Variants in CCDC178 observed in about 807,000 individuals in gnomAD.
CCDC178 encodes coiled-coil domain containing 178, also known as coiled-coil domain-containing protein 178.
Under a neutral mutation model 117.4 loss-of-function variants are expected in CCDC178, and 126 were observed. That is an observed-to-expected ratio of 1.07 (90% CI 0.93 to 1.24). CCDC178 has a LOEUF of 1.24. Ranked by LOEUF, CCDC178 falls within the 50% of genes most tolerant of loss-of-function variation. The probability of loss-of-function intolerance (pLI) is 0.00; values close to 1 mark genes in which losing one functional copy is unlikely to be tolerated. For missense variants in CCDC178, 1,030 were observed against 986.9 expected (o/e 1.04, Z -0.59); for synonymous variants, 283 against 313.4 (o/e 0.90, Z 1.02).
At chr18:33,349,545 T>C (rs2062943356) in intron 7 of CCDC178, among the ~76,000 whole-genome samples, 4 of 151,898 alleles carry the variant, frequency 2.6e-5, no homozygotes, top group Admixed American at 2.6e-4. Context: ...GTTATTTCCT[T>C]TCTAGCTAAA....
chr18:33,366,832 C>T (rs1217827864), intron 6 of CCDC178, among the ~76,000 whole-genome samples: 3 of 152,034 alleles, frequency 2.0e-5, no homozygotes, highest in East Asian at 1.9e-4. Flanking sequence ...CGTTATCAGA[C>T]GGGCCTGGGA....
intron 21 of CCDC178, among the ~76,000 whole-genome samples, chr18:33,078,494 C>A (rs1272135606): frequency 6.6e-6 from 1 of 152,114 alleles, no homozygotes; most frequent in Admixed American, 6.5e-5. Flanking sequence ...GTCAAACTAT[C>A]CCTGTTTGCA....
intron 22 of CCDC178, among the ~76,000 whole-genome samples, chr18:32,960,659 C>T (rs1379668374): frequency 1.3e-5 from 2 of 152,012 alleles, no homozygotes; most frequent in African/African-American, 4.8e-5. Flanking sequence ...CATCTCTGAC[C>T]TCATTTTGTA....
intron 21 of CCDC178, among the ~76,000 whole-genome samples, chr18:33,038,683 C>T (rs895316315): frequency 3.3e-5 from 5 of 151,866 alleles, no homozygotes; most frequent in Non-Finnish European, 7.4e-5. Context: ...GATTTTTTTG[C>T]AAAGCCTGAG....
intron 20 of CCDC178, among the ~76,000 whole-genome samples, chr18:33,150,305 ACT>A (rs1214791674): frequency 6.6e-6 from 1 of 152,074 alleles, no homozygotes; most frequent in Admixed American, 6.6e-5. Context: ...CACTGAAAAA[ACT>A]CTTCCAGGCA....
intron 20 of CCDC178, among the ~76,000 whole-genome samples, chr18:33,201,797 C>T (rs1312666890): frequency 6.6e-6 from 1 of 152,186 alleles, no homozygotes; most frequent in African/African-American, 2.4e-5. Flanking sequence ...ATTTTCCAGT[C>T]TCCCTCTAGT....
At chr18:33,055,167 T>C (rs190318109) in intron 21 of CCDC178, among the ~76,000 whole-genome samples, 4 of 152,314 alleles carry the variant, frequency 2.6e-5, no homozygotes, top group South Asian at 4.1e-4. Flanking sequence ...CTCTGGATAT[T>C]AGACCTTTGT....
At chr18:33,144,664 T>C (rs1041941468) in intron 20 of CCDC178, among the ~76,000 whole-genome samples, 2 of 152,158 alleles carry the variant, frequency 1.3e-5, no homozygotes, top group Non-Finnish European at 2.9e-5. Flanking sequence ...AAATTTCTAA[T>C]GTTGAAAAGG....
At chr18:33,184,246 G>A (rs980615639) in intron 20 of CCDC178, among the ~76,000 whole-genome samples, 2 of 151,922 alleles carry the variant, frequency 1.3e-5, no homozygotes, top group African/African-American at 2.4e-5. Flanking sequence ...AACATTAGTA[G>A]ATATTTGTTT....
intron 7 of CCDC178, among the ~76,000 whole-genome samples, chr18:33,349,877 T>C (rs2062949133): frequency 6.6e-6 from 1 of 151,888 alleles, no homozygotes. Context: ...GTCACAATTA[T>C]ACATTCTGCT....
At chr18:33,173,995 A>C (rs2058634724) in intron 20 of CCDC178, among the ~76,000 whole-genome samples, 1 of 152,218 alleles carries the variant, frequency 6.6e-6, no homozygotes, top group Non-Finnish European at 1.5e-5. Flanking sequence ...ACTGCTATAA[A>C]GAAATACCTG....
At chr18:33,004,547 G>A (rs891530957) in intron 21 of CCDC178, among the ~76,000 whole-genome samples, 9 of 151,968 alleles carry the variant, frequency 5.9e-5, no homozygotes, top group Non-Finnish European at 1.3e-4. Context: ...AATGCTACAG[G>A]ACACTGGACT....
At chr18:33,337,134 G>A (rs1432083609) in intron 9 of CCDC178, among the ~76,000 whole-genome samples, 1 of 123,902 alleles carries the variant, frequency 8.1e-6, no homozygotes, top group Non-Finnish European at 1.6e-5. Flanking sequence ...ATATTCCTAA[G>A]CTTTTTTTTT....
intron 21 of CCDC178, among the ~76,000 whole-genome samples, chr18:33,065,596 T>C (rs1225955289): frequency 1.3e-5 from 2 of 152,152 alleles, no homozygotes; most frequent in South Asian, 2.1e-4. Flanking sequence ...ACAATTCCAA[T>C]AGATTCAGCC....
At chr18:33,342,615 C>G (rs1307923532) in intron 9 of CCDC178, among the ~76,000 whole-genome samples, 1 of 152,112 alleles carries the variant, frequency 6.6e-6, no homozygotes, top group African/African-American at 2.4e-5. Flanking sequence ...ACATGAAAAC[C>G]ATACTCCTGG....
chr18:33,370,792 T>C lies in CCDC178; in HGVS notation c.209-603A>G, dbSNP rs551661464. 2.7e-4 allele frequency among the ~76,000 whole-genome samples: 41 copies of C among 152,164 alleles called. No individual in the cohort carries two copies. In the South Asian group the frequency reaches 8.5e-3, roughly 31 times the overall value. ...AATGTTCTCACTATAGTATTCAAGC[T>C]GTACTCATCATAAAATCCACTCAGT... On this transcript the variant is annotated intron_variant, in intron 5 of 22. Transcript: ENST00000383096.
intron 18 of CCDC178, among the ~76,000 whole-genome samples, chr18:33,217,783 T>C (rs1416121989): frequency 6.6e-6 from 1 of 152,048 alleles, no homozygotes; most frequent in Non-Finnish European, 1.5e-5. Context: ...ATTCATTGTA[T>C]GCAAACTTGG....
chr18:33,371,535 G>A (rs1473913857), intron 5 of CCDC178, among the ~76,000 whole-genome samples: 1 of 151,864 alleles, frequency 6.6e-6, no homozygotes, highest in Non-Finnish European at 1.5e-5. Flanking sequence ...TGGTTATGGA[G>A]TATAAGCTGT....
intron 21 of CCDC178, among the ~76,000 whole-genome samples, chr18:33,006,394 T>G (rs779713425): frequency 6.6e-5 from 10 of 152,144 alleles, no homozygotes; most frequent in Non-Finnish European, 1.0e-4. Context: ...TTTGATAATT[T>G]TTTTTCTAAA....
Sources: gnomAD v4.1 joint callset for allele counts (sites outside exome capture counted in the v4.1 genomes callset) on GRCh38, gnomAD v4.1.1 for gene constraint, MANE v1.5 for transcripts, NCBI Gene and HGNC (gene_info 2026-07-23, HGNC 2026-07-21) for gene names.